The following CALCOCO2 variants were observed in gnomAD, a reference collection of about 807,000 sequenced individuals.
CALCOCO2 encodes the protein calcium binding and coiled-coil domain 2, also known as calcium-binding and coiled-coil domain-containing protein 2.
In CALCOCO2, 42 loss-of-function variants were observed where a neutral mutation model predicts 62.5. The ratio of observed to expected loss-of-function variants is 0.67; its 90% CI spans 0.53 to 0.87. CALCOCO2 has a LOEUF of 0.87. CALCOCO2 is among the 40% of genes least tolerant of loss of function. The pLI, the probability that CALCOCO2 is intolerant of heterozygous loss-of-function variation, is 0.00. For synonymous variants in CALCOCO2, 167 were observed against 173.0 expected (o/e 0.97, Z 0.27); for missense variants, 456 against 515.0 (o/e 0.89, Z 1.11).
intron 1 of CALCOCO2, among the ~76,000 whole-genome samples, chr17:48,835,843 G>A (rs888962911): frequency 6.6e-6 from 1 of 151,808 alleles, no homozygotes; most frequent in African/African-American, 2.4e-5. Context: ...TCCGCCTCCT[G>A]GGTTCAAGCG....
chr17:48,834,755 T>G (rs1347114014), intron 1 of CALCOCO2, among the ~76,000 whole-genome samples: 1 of 151,810 alleles, frequency 6.6e-6, no homozygotes, highest in Admixed American at 6.6e-5. Flanking sequence ...TAAGTCATTT[T>G]AATTTTCATG....
At position 48,851,174 on chromosome 17, in the gene CALCOCO2, T is replaced by C; in HGVS notation, c.629T>C (p.Leu210Pro). The change falls in exon 6 of 13, where the codon CTT (leucine) becomes CCT (proline). Residue 210 changes from leucine (L) to proline (P), a missense_variant. By Grantham distance (98) the Leu-to-Pro change is moderately conservative. This residue lies in a region of CALCOCO2 where 236 missense variants were observed against 225.3 expected (regional missense o/e 1.05). Transcript: ENST00000258947. ...EQKDYWETELLQLKEQNQKMS... is the reference protein window; with the variant it reads ...EQKDYWETELPQLKEQNQKMS... ...AAGGACTATTGGGAGACAGAGCTGC[T>C]TCAGTGAGTGCATCCCATAATTCTG... The C allele has an allele frequency of 6.3e-7, 1 of 1,577,690 alleles. No homozygotes were observed. Among genetic ancestry groups the C allele is most frequent in the Non-Finnish European group, 8.7e-7 (1 of 1,146,982 alleles).
At chr17:48,840,823 C>A (rs539026504) in intron 1 of CALCOCO2, among the ~76,000 whole-genome samples, 1 of 151,910 alleles carries the variant, frequency 6.6e-6, no homozygotes, top group South Asian at 2.1e-4. Flanking sequence ...TAAGGTTGTA[C>A]CAGGAAAAAA....
chr17:48,839,791 T>C (rs1459467587), intron 1 of CALCOCO2, among the ~76,000 whole-genome samples: 1 of 147,804 alleles, frequency 6.8e-6, no homozygotes, highest in Non-Finnish European at 1.5e-5. Context: ...TTTTCCTGCC[T>C]CAGCCTCCCA....
In CALCOCO2 at chr17:48,845,740, AAAAAG is replaced by A. The variant is rs1267965429; in HGVS notation, c.181-2310_181-2306del. 1.9e-3 allele frequency among the ~76,000 whole-genome samples: 290 copies of A among 151,278 alleles called. 2 individuals are homozygous for A. Among genetic ancestry groups the A allele is most frequent in the African/African-American group, 6.8e-3 (278 of 41,096 alleles). On this transcript the variant is annotated intron_variant, in intron 2 of 12. Transcript: ENST00000258947. ...CGAGACTCCATCTCAAAAAAAAAAA[AAAAAG>A]AAAAGAAAAGAAAGAAAAATTCTCA...
At chr17:48,854,869 G>A (rs2040190317) in intron 9 of CALCOCO2, among the ~76,000 whole-genome samples, 1 of 152,144 alleles carries the variant, frequency 6.6e-6, no homozygotes, top group Non-Finnish European at 1.5e-5. Flanking sequence ...AACTGTGGAG[G>A]AGCAGTTAGC....
At chr17:48,841,615 T>C in intron 1 of CALCOCO2, 83 bp from the exon 2 acceptor site, 1 of 954,514 alleles carries the variant, frequency 1.0e-6, no homozygotes, top group Non-Finnish European at 1.5e-6. Flanking sequence ...TTGCACAGAA[T>C]GTTCCCTGGA....
rs35356632 is a variant in CALCOCO2, at chr17:48,864,066, C to CTTTTTTTTTTTTTTTTT, written c.*1064_*1080dup. On this transcript the variant is annotated 3_prime_UTR_variant, in exon 13 of 13. Coordinates refer to ENST00000258947, the MANE Select transcript of CALCOCO2 (RefSeq NM_005831.5). Reference sequence around the variant, plus strand: ...TCCAAGGCCCTGGCTTGCTTTCTTTCTTTTTTTTTTTTTTTTTTTGAAACA... The same window carrying CTTTTTTTTTTTTTTTTT: ...TCCAAGGCCCTGGCTTGCTTTCTTTCTTTTTTTTTTTTTTTTTTTTTTTTTTTTTTTTTTTTGAAACA... 1 of 126,502 alleles carries CTTTTTTTTTTTTTTTTT rather than the reference C, an allele frequency of 7.9e-6. No individual in the cohort carries two copies. The highest frequency in any genetic ancestry group is 3.0e-5 in the African/African-American group (1 of 33,542). The allele number at this position is 126,502 out of a possible 1,614,324, so 7.8% of individuals were successfully genotyped here.
chr17:48,852,030 C>T (rs552000788), intron 7 of CALCOCO2, among the ~76,000 whole-genome samples: 10 of 151,826 alleles, frequency 6.6e-5, no homozygotes, highest in Non-Finnish European at 1.3e-4. Flanking sequence ...TCCAGCTACT[C>T]GGGAGGCTGA....
rs1360242818 is a variant in CALCOCO2 at position 48,845,383 on chromosome 17, G to C, written c.181-2681G>C. ...AATTAAATCCTCACTGTGTGTGTGT[G>C]TGTGTGTGTGTGTGTGTGTGTGTGT... is the stretch of plus-strand genomic sequence containing the variant. On this transcript the variant is annotated intron_variant, in intron 2 of 12. Transcript: ENST00000258947. 4.5e-4 allele frequency among the ~76,000 whole-genome samples: 35 copies of C among 77,730 alleles called. No homozygotes were observed. In the East Asian group the frequency reaches 0.028, roughly 62 times the overall value. 51.0% of individuals were successfully genotyped at this position (77,730 alleles called of 152,430 possible).
At position 48,851,147 on chromosome 17, in the gene CALCOCO2, A is replaced by G; in HGVS notation, c.602A>G (p.Gln201Arg). 1.2e-6 allele frequency: 2 copies of G among 1,610,924 alleles called. No homozygotes were observed. The highest frequency in any genetic ancestry group is 1.1e-5 in the South Asian group (1 of 91,010). Reference protein sequence around the residue: ...NKKLELKVKEQKDYWETELLQ... With the variant: ...NKKLELKVKERKDYWETELLQ... The stretch of plus-strand genomic sequence containing the variant: ...AAGTTGGAACTGAAAGTGAAAGAAC[A>G]GAAGGACTATTGGGAGACAGAGCTG... The change falls in exon 6 of 13, where the codon CAG (glutamine) becomes CGG (arginine). Residue 201 changes from glutamine to arginine, a missense_variant. Coordinates refer to ENST00000258947, the MANE Select transcript of CALCOCO2 (RefSeq NM_005831.5).
intron 1 of CALCOCO2, among the ~76,000 whole-genome samples, chr17:48,836,692 C>G (rs1006232339): frequency 1.3e-5 from 2 of 151,142 alleles, no homozygotes; most frequent in African/African-American, 4.9e-5. Flanking sequence ...CTTGCAGACC[C>G]TTTATTTCCA....
At position 48,862,849 on chromosome 17, in the gene CALCOCO2, G is replaced by C; in HGVS notation, c.1185G>C (p.Lys395Asn). 1 of 1,614,062 alleles carries C rather than the reference G, an allele frequency of 6.2e-7. No homozygotes were observed. Among genetic ancestry groups the C allele is most frequent in the Non-Finnish European group, 8.5e-7 (1 of 1,179,956 alleles). ...GCTCTTCCTCCCAGCTCTCCATCAA[G>C]AAATGCCCTATCTGCAAAGCAGATG... ...ESSSPSPLSI[K>N]KCPICKADDI... Residue 395 changes from lysine to asparagine, a missense_variant, in exon 13 of 13, where the codon AAG becomes AAC. Around this residue, in one of 3 missense-constraint regions of CALCOCO2, gnomAD observed 172 missense variants for 210.3 expected, o/e 0.82. Coordinates refer to ENST00000258947, the MANE Select transcript of CALCOCO2 (RefSeq NM_005831.5).
At chr17:48,837,673 T>C (rs2039913194) in intron 1 of CALCOCO2, among the ~76,000 whole-genome samples, 1 of 151,872 alleles carries the variant, frequency 6.6e-6, no homozygotes, top group Non-Finnish European at 1.5e-5. Flanking sequence ...GAAAAACTTT[T>C]GAGGTTTGAG....
intron 1 of CALCOCO2, among the ~76,000 whole-genome samples, chr17:48,833,127 T>C (rs2039839440): frequency 6.6e-6 from 1 of 152,236 alleles, no homozygotes; most frequent in African/African-American, 2.4e-5. Flanking sequence ...TTCAGGGCCA[T>C]CTACACACAC....
chr17:48,848,748 A>G (rs2040086700), intron 4 of CALCOCO2: 1 of 551,002 alleles, frequency 1.8e-6, no homozygotes, highest in Admixed American at 2.2e-5. Context: ...CACAATGGTA[A>G]ATGTAAAAGC....
chr17:48,848,883 T>A, intron 4 of CALCOCO2: 1 of 477,946 alleles, frequency 2.1e-6, no homozygotes, highest in South Asian at 1.5e-5. Context: ...CTACTTTTCA[T>A]CCAGCACTAT....
intron 2 of CALCOCO2, 153 bp downstream of exon 2, chr17:48,842,040 A>G (rs1276072214): frequency 2.1e-6 from 1 of 483,288 alleles, no homozygotes; most frequent in Non-Finnish European, 3.7e-6. Context: ...CTCTCTTCAC[A>G]CATTAATGTG....
intron 2 of CALCOCO2, among the ~76,000 whole-genome samples, chr17:48,846,789 A>G (rs1019673366): frequency 2.0e-5 from 3 of 152,084 alleles, no homozygotes; most frequent in Non-Finnish European, 4.4e-5. Context: ...ATAAAAATGG[A>G]ATTTATTTTT....
Sources: allele counts gnomAD v4.1 joint callset (sites outside exome capture counted in the v4.1 genomes callset), GRCh38; gene constraint gnomAD v4.1.1; regional missense constraint gnomAD v4.1.1; transcripts MANE v1.5; gene names NCBI Gene and HGNC (gene_info 2026-07-23, HGNC 2026-07-21).